GNAI1: variants seen among roughly 807,000 people sequenced by gnomAD.
GNAI1 encodes the protein G protein subunit alpha i1, also known as guanine nucleotide-binding protein G(i) subunit alpha-1.
Under a neutral mutation model 38.9 loss-of-function variants are expected in GNAI1, and 11 were observed. The observed-to-expected ratio is 0.28, with a 90% CI of 0.18 to 0.47. GNAI1 has a LOEUF of 0.47. Ranked by LOEUF, GNAI1 falls within the 20% of genes least tolerant of loss-of-function variation. The pLI is 0.99. For missense variants in GNAI1, 317 were observed against 436.9 expected (o/e 0.73, Z 2.45); for synonymous variants, 166 against 145.1 (o/e 1.14, Z -1.04).
At chr7:80,144,095 A>C (rs772205431) in intron 1 of GNAI1, among the ~76,000 whole-genome samples, 43 of 152,156 alleles carry the variant, frequency 2.8e-4, no homozygotes, top group Non-Finnish European at 2.8e-4. Flanking sequence ...AGACCAGGTA[A>C]ATATCTGTGC....
chr7:80,146,391 G>GAAAA (rs1405987885), intron 1 of GNAI1, among the ~76,000 whole-genome samples: 3 of 151,922 alleles, frequency 2.0e-5, no homozygotes, highest in African/African-American at 7.3e-5. Context: ...ATGCAAAAGA[G>GAAAA]AAAAAAAGCA....
intron 7 of GNAI1, 78 bp from the exon 8 acceptor site, chr7:80,217,225 T>TGTATGAAACTGACTTCAGTTTCAGAG: frequency 4.4e-6 from 4 of 905,142 alleles, no homozygotes; most frequent in Admixed American, 2.8e-5. Context: ...CAGTTTCATA[T>TGTATGAAACTGACTTCAGTTTCAGAG]GTATGAAACT....
At chr7:80,154,757 T>A (rs1397920423) in intron 1 of GNAI1, among the ~76,000 whole-genome samples, 1 of 152,232 alleles carries the variant, frequency 6.6e-6, no homozygotes, top group African/African-American at 2.4e-5. Flanking sequence ...GAAAATGGTA[T>A]TTTCTTGAAA....
chr7:80,187,197 G>GTGTGTCTT (rs1554350468), intron 1 of GNAI1: 2 of 21,962 alleles, frequency 9.1e-5, no homozygotes, highest in Non-Finnish European at 2.4e-4. Context: ...GTGTGTGTGT[G>GTGTGTCTT]TGTGTGTGTC....
chr7:80,205,955 G>A (rs954642687), intron 5 of GNAI1, among the ~76,000 whole-genome samples: 22 of 151,758 alleles, frequency 1.4e-4, no homozygotes, highest in African/African-American at 5.3e-4. Context: ...TGGTCGTGAT[G>A]ATAAAGCAGA....
chr7:80,168,684 A>G (rs532199397), intron 1 of GNAI1, among the ~76,000 whole-genome samples: 19 of 152,238 alleles, frequency 1.2e-4, no homozygotes, highest in Admixed American at 2.0e-4. Flanking sequence ...CGCCTGGCCA[A>G]TTATTTTTAA....
At chr7:80,189,544 G>C (rs533302376) in intron 3 of GNAI1, among the ~76,000 whole-genome samples, 1 of 152,100 alleles carries the variant, frequency 6.6e-6, no homozygotes, top group Non-Finnish European at 1.5e-5. Context: ...TTAGTACTGA[G>C]TAAACTGCTT....
At chr7:80,200,832 A>C (rs1788674656) in intron 4 of GNAI1, among the ~76,000 whole-genome samples, 1 of 152,212 alleles carries the variant, frequency 6.6e-6, no homozygotes, top group African/African-American at 2.4e-5. Flanking sequence ...AACATATTGA[A>C]TATGTAGCCC....
Position 80,134,881 on chromosome 7 carries a change from A to T in GNAI1, c.-280A>T. ...GCGGCGCGGCCACCGGCGGGAGTGC[A>T]GCGGCCACTGTACCCAGAGATTCAA... On this transcript the variant is annotated 5_prime_UTR_variant, in exon 1 of 8. Transcript: ENST00000649796. The T allele has an allele frequency of 3.8e-6, 1 of 263,110 alleles. No homozygotes were observed. The allele number at this position is 263,110 out of a possible 1,614,324, so 16.3% of individuals were successfully genotyped here.
chr7:80,160,102 T>C (rs1185119641), intron 1 of GNAI1, among the ~76,000 whole-genome samples: 7 of 152,094 alleles, frequency 4.6e-5, no homozygotes, highest in Admixed American at 3.9e-4. Flanking sequence ...CCTTAAAGCC[T>C]CTCTGGGAAG....
At position 80,224,914 on chromosome 7, in the gene GNAI1, A is replaced by G. The variant is rs913123451; in HGVS notation, c.*7421A>G. ...TTTAATGTGGTTTTGGAAAATAGGT[A>G]CTCATGTGTCTTTGCATTATATTTG... On this transcript the variant is annotated 3_prime_UTR_variant, in exon 8 of 8. Transcript: ENST00000649796. Among the ~76,000 whole-genome samples, 2 of 152,158 alleles carry G rather than the reference A, an allele frequency of 1.3e-5. No individual in the cohort carries two copies. Among genetic ancestry groups the G allele is most frequent in the African/African-American group, 4.8e-5 (2 of 41,424 alleles).
chr7:80,169,209 G>A (rs1036620417), intron 1 of GNAI1, among the ~76,000 whole-genome samples: 3 of 152,200 alleles, frequency 2.0e-5, no homozygotes, highest in African/African-American at 4.8e-5. Context: ...TGGCTTTTGC[G>A]GTGGTTTTCC....
chr7:80,165,779 T>C (rs935358682), intron 1 of GNAI1, among the ~76,000 whole-genome samples: 1 of 152,176 alleles, frequency 6.6e-6, no homozygotes, highest in African/African-American at 2.4e-5. Context: ...TTTGAGAATA[T>C]AATCTCTCAA....
At chr7:80,167,544 A>G (rs1479633715) in intron 1 of GNAI1, among the ~76,000 whole-genome samples, 1 of 152,232 alleles carries the variant, frequency 6.6e-6, no homozygotes, top group African/African-American at 2.4e-5. Context: ...ACCTATTTTC[A>G]TATATTTACT....
At chr7:80,140,622 A>T (rs1017188215) in intron 1 of GNAI1, among the ~76,000 whole-genome samples, 1 of 152,176 alleles carries the variant, frequency 6.6e-6, no homozygotes, top group African/African-American at 2.4e-5. Context: ...CCCAGACTCC[A>T]TTTGAGTCTT....
rs1787380783 is a variant in GNAI1 at position 80,134,950 on chromosome 7, G to A, written c.-211G>A. The A allele has an allele frequency of 2.5e-6, 1 of 393,432 alleles. No individual in the cohort carries two copies. Among genetic ancestry groups the A allele is most frequent in the East Asian group, 3.6e-5 (1 of 27,474 alleles). The allele number at this position is 393,432 out of a possible 1,614,324, so 24.4% of individuals were successfully genotyped here. On this transcript the variant is annotated 5_prime_UTR_variant, in exon 1 of 8. Transcript: ENST00000649796. ...TGGGGGCGCTGAGCCGGGCCGGGAA[G>A]CAGAGCCTGGTCGTGAGGAACAGCC... is the stretch of plus-strand genomic sequence containing the variant.
At chr7:80,167,023 G>A (rs914530906) in intron 1 of GNAI1, among the ~76,000 whole-genome samples, 1 of 152,230 alleles carries the variant, frequency 6.6e-6, no homozygotes, top group Admixed American at 6.5e-5. Flanking sequence ...ATAATAGCCA[G>A]TGAGAGTGAG....
At position 80,158,522 on chromosome 7, in the gene GNAI1, C is replaced by G. The variant is rs1787858174; in HGVS notation, c.118+23244C>G. On this transcript the variant is annotated intron_variant, in intron 1 of 7. Coordinates refer to ENST00000649796, the MANE Select transcript of GNAI1 (RefSeq NM_002069.6). ...TTACGATCGTGATTTCACATGAGATCTGGTGGTTTTATAAGGGGCCTTTCC... is the reference window on the plus strand; with the variant it reads ...TTACGATCGTGATTTCACATGAGATGTGGTGGTTTTATAAGGGGCCTTTCC... Among the ~76,000 whole-genome samples, 3 of 152,218 alleles carry G rather than the reference C, an allele frequency of 2.0e-5. No individual in the cohort carries two copies. The South Asian group carries it at 6.2e-4, about 32-fold the overall frequency.
intron 1 of GNAI1, among the ~76,000 whole-genome samples, chr7:80,188,578 T>A (rs185005787): frequency 6.6e-6 from 1 of 152,338 alleles, no homozygotes; most frequent in East Asian, 1.9e-4. Context: ...AACATGATAT[T>A]ACAAAATATA....
Sources: gnomAD v4.1 joint callset for allele counts (sites outside exome capture counted in the v4.1 genomes callset) on GRCh38, gnomAD v4.1.1 for gene constraint, MANE v1.5 for transcripts, NCBI Gene and HGNC (gene_info 2026-07-23, HGNC 2026-07-21) for gene names.